Variants in KIAA1217 observed in about 807,000 individuals in gnomAD.
KIAA1217 encodes sickle tail protein homolog.
In KIAA1217, 88 loss-of-function variants were observed where a neutral mutation model predicts 163.9. The observed-to-expected ratio is 0.54, with a 90% CI of 0.45 to 0.64. The LOEUF (loss-of-function observed/expected upper bound fraction) is 0.64. Ranked by LOEUF, KIAA1217 falls within the 30% of genes least tolerant of loss-of-function variation. The pLI is 0.00. For synonymous variants in KIAA1217, 903 were observed against 923.1 expected (o/e 0.98, Z 0.39); for missense variants, 2,372 against 2,475.0 (o/e 0.96, Z 0.88).
chr10:23,942,935 C>T (rs1240793598), intron 1 of KIAA1217, among the ~76,000 whole-genome samples: 1 of 146,556 alleles, frequency 6.8e-6, no homozygotes, highest in African/African-American at 2.6e-5. Flanking sequence ...TAGTGATATC[C>T]TGTCTGTACC....
At chr10:24,462,840 T>C (rs2062559048) in intron 5 of KIAA1217, among the ~76,000 whole-genome samples, 1 of 152,152 alleles carries the variant, frequency 6.6e-6, no homozygotes, top group Non-Finnish European at 1.5e-5. Context: ...TACATAGTAG[T>C]TTCAAGAACT....
At chr10:24,261,754 C>G (rs537688986) in intron 2 of KIAA1217, among the ~76,000 whole-genome samples, 14 of 152,152 alleles carry the variant, frequency 9.2e-5, no homozygotes, top group Admixed American at 3.3e-4. Flanking sequence ...AGGATAGGTG[C>G]AGGGTCACTG....
chr10:24,523,914 C>T (rs925106101), intron 12 of KIAA1217, among the ~76,000 whole-genome samples: 1 of 152,118 alleles, frequency 6.6e-6, no homozygotes, highest in African/African-American at 2.4e-5. Flanking sequence ...GTGGGGAAGC[C>T]AGTGAGCAAC....
chr10:24,364,482 G>A (rs2050485304), intron 2 of KIAA1217, among the ~76,000 whole-genome samples: 3 of 152,126 alleles, frequency 2.0e-5, no homozygotes, highest in Admixed American at 6.5e-5. Flanking sequence ...TCTCAGTGAG[G>A]TTCATTTTGT....
chr10:23,856,767 C>T (rs1481524667), intron 1 of KIAA1217, among the ~76,000 whole-genome samples: 1 of 152,270 alleles, frequency 6.6e-6, no homozygotes, highest in African/African-American at 2.4e-5. Context: ...TCTCAGACTG[C>T]TGTGCTAGCA....
rs192057199 is a variant in KIAA1217, at chr10:23,741,926, A to G, written c.-321+46692A>G. On this transcript the variant is annotated intron_variant, in intron 1 of 18. Coordinates refer to the KIAA1217 transcript ENST00000376462. ...ATCTGGGGATATGGAGTCCAGGCAC[A>G]GGAAGTCAGGAGTCTTTGGGTGATT... Among the ~76,000 whole-genome samples the G allele has an allele frequency of 3.9e-5, 6 of 152,344 alleles. No individual in the cohort carries two copies. The South Asian group carries it at 1.0e-3, about 26-fold the overall frequency.
intron 2 of KIAA1217, among the ~76,000 whole-genome samples, chr10:24,263,435 T>G (rs1336400771): frequency 6.6e-6 from 1 of 152,246 alleles, no homozygotes; most frequent in African/African-American, 2.4e-5. Flanking sequence ...TGTTGTGTTA[T>G]CATCTGCCTG....
intron 1 of KIAA1217, among the ~76,000 whole-genome samples, chr10:23,876,037 A>G (rs1840676387): frequency 6.6e-6 from 1 of 151,860 alleles, no homozygotes; most frequent in South Asian, 2.1e-4. Flanking sequence ...AACGTCGCAT[A>G]TGTATACCTA....
At position 24,520,123 on chromosome 10, in the gene KIAA1217, C is replaced by G; in HGVS notation, c.2178C>G (p.Cys726Trp). The G allele has an allele frequency of 6.2e-7, 1 of 1,613,538 alleles. No homozygotes were observed. Among genetic ancestry groups the G allele is most frequent in the Non-Finnish European group, 8.5e-7 (1 of 1,179,630 alleles). ...TGTGCTGGTGTCCTTGCTCCCGCAG[C>G]GAGTTGGAAGACTTTGTTGAAGACT... ...HEEEKIVKKL[C>W]ELEDFVEDLK... The change falls in exon 11 of 21, where the codon TGC becomes TGG. Residue 726 changes from cysteine (C) to tryptophan (W), a missense_variant and splice_region_variant. Cys to Trp is a radical substitution (Grantham distance 215). Transcript: ENST00000376454.
At chr10:23,710,413 T>G (rs1471387742) in intron 1 of KIAA1217, among the ~76,000 whole-genome samples, 1 of 152,248 alleles carries the variant, frequency 6.6e-6, no homozygotes, top group Non-Finnish European at 1.5e-5. Context: ...TGATATTGAT[T>G]TAAATCTTCA....
At chr10:23,902,340 AG>A (rs925682386) in intron 1 of KIAA1217, among the ~76,000 whole-genome samples, 10 of 152,058 alleles carry the variant, frequency 6.6e-5, no homozygotes, top group African/African-American at 2.2e-4. Flanking sequence ...GGGCACATCG[AG>A]GGGAACAGCA....
chr10:24,253,251 T>A (rs953397317), intron 2 of KIAA1217, among the ~76,000 whole-genome samples: 3 of 151,914 alleles, frequency 2.0e-5, no homozygotes, highest in African/African-American at 7.3e-5. Context: ...TAGAAGAGAG[T>A]TAGCTTTTGT....
intron 1 of KIAA1217, among the ~76,000 whole-genome samples, chr10:23,853,370 G>A (rs528313823): frequency 2.0e-5 from 3 of 152,246 alleles, no homozygotes; most frequent in African/African-American, 7.2e-5. Context: ...AAGCCCACTT[G>A]ATCATGTTGG....
intron 1 of KIAA1217, among the ~76,000 whole-genome samples, chr10:23,985,898 A>G (rs754677439): frequency 1.9e-4 from 29 of 152,208 alleles, no homozygotes; most frequent in Non-Finnish European, 5.9e-5. Flanking sequence ...AGCACATCAC[A>G]TGACTAAACT....
intron 1 of KIAA1217, among the ~76,000 whole-genome samples, chr10:23,972,406 T>C (rs1296361701): frequency 1.3e-5 from 2 of 151,576 alleles, no homozygotes; most frequent in East Asian, 1.9e-4. Context: ...ATATGGCACA[T>C]ACACACCACA....
intron 2 of KIAA1217, among the ~76,000 whole-genome samples, chr10:24,100,068 CT>C (rs2062349229): frequency 6.6e-6 from 1 of 152,088 alleles, no homozygotes; most frequent in African/African-American, 2.4e-5. Context: ...TCCTCCTCCC[CT>C]CCCTCTCCTG....
intron 1 of KIAA1217, among the ~76,000 whole-genome samples, chr10:23,753,396 TTTGA>T (rs1410763318): frequency 6.6e-6 from 1 of 152,220 alleles, no homozygotes; most frequent in Non-Finnish European, 1.5e-5. Flanking sequence ...GCTGTGTCTG[TTTGA>T]TTGCTTCATC....
rs1005342776 is a variant in KIAA1217, at chr10:24,484,206, T to A, written c.1679+10146T>A. ...ATACATATATATTGATATACATATA[T>A]ATAGATAGATAGATATACATATATA... On this transcript the variant is annotated intron_variant, in intron 6 of 20. Coordinates refer to ENST00000376454, the MANE Select transcript of KIAA1217 (RefSeq NM_019590.5). 2.2e-5 allele frequency among the ~76,000 whole-genome samples: 3 copies of A among 137,820 alleles called. No homozygotes were observed. The East Asian group carries it at 6.5e-4, about 30-fold the overall frequency. The allele number at this position is 137,820 out of a possible 152,430, so 90.4% of individuals were successfully genotyped here.
At chr10:24,268,406 A>G (rs2076442125) in intron 2 of KIAA1217, among the ~76,000 whole-genome samples, 1 of 152,108 alleles carries the variant, frequency 6.6e-6, no homozygotes, top group African/African-American at 2.4e-5. Flanking sequence ...AAGGACATGA[A>G]CAGACACTTC....
Sources: gnomAD v4.1 joint callset for allele counts (sites outside exome capture counted in the v4.1 genomes callset) on GRCh38, gnomAD v4.1.1 for gene constraint, MANE v1.5 for transcripts, NCBI Gene and HGNC (gene_info 2026-07-23, HGNC 2026-07-21) for gene names.